TADA2A: variants seen among roughly 807,000 people sequenced by gnomAD.
The protein encoded by TADA2A is transcriptional adapter 2-alpha.
Under a neutral mutation model 67.4 loss-of-function variants are expected in TADA2A, and 38 were observed. The observed-to-expected ratio is 0.56, with a 90% confidence interval of 0.44 to 0.74. The LOEUF is 0.74. Among genes scored for constraint, TADA2A ranks in the 30% least tolerant of loss-of-function variants. The pLI is 0.00. For missense variants in TADA2A, 454 were observed against 547.0 expected, an observed-to-expected ratio of 0.83 and a Z score of 1.70; for synonymous variants, 192 against 181.6, an observed-to-expected ratio of 1.06 and a Z score of -0.46.
intron 2 of TADA2A, among the ~76,000 whole-genome samples, chr17:37,422,494 A>G (rs1254595993): frequency 7.1e-6 from 1 of 140,018 alleles, no homozygotes; most frequent in African/African-American, 2.8e-5. Flanking sequence ...TATTATTATT[A>G]TTATTATTAT....
At chr17:37,472,245 C>T (rs1230095878) in intron 14 of TADA2A, among the ~76,000 whole-genome samples, 2 of 151,584 alleles carry the variant, frequency 1.3e-5, no homozygotes, top group Admixed American at 6.6e-5. Flanking sequence ...TTTGTACTTT[C>T]AGTAGAGATG....
chr17:37,462,020 G>A lies in TADA2A; in HGVS notation c.669-58G>A, dbSNP rs1227572007. On this transcript the variant is annotated intron_variant, in intron 9 of 15. Transcript: ENST00000615182. The stretch of plus-strand genomic sequence containing the variant: ...GTCTGATGATAGCTATATGTGTAAA[G>A]CATTAGTAAATGTGAAAATAATTCT... 2.3e-6 allele frequency: 3 copies of A among 1,295,542 alleles called. No individual in the cohort carries two copies. In the African/African-American group the frequency reaches 4.4e-5, roughly 19 times the overall value. 80.3% of individuals were successfully genotyped at this position (1,295,542 alleles called of 1,614,324 possible).
chr17:37,427,764 G>T (rs989522576), intron 4 of TADA2A, among the ~76,000 whole-genome samples: 1 of 152,146 alleles, frequency 6.6e-6, no homozygotes, highest in Non-Finnish European at 1.5e-5. Context: ...CAGATCACTT[G>T]AGGTCAGGAG....
At chr17:37,442,198 CTTT>C (rs760306260) in intron 6 of TADA2A, among the ~76,000 whole-genome samples, 3 of 75,408 alleles carry the variant, frequency 4.0e-5, no homozygotes, top group Non-Finnish European at 5.5e-5. Context: ...TTTTTCCCGT[CTTT>C]TTTTTTTTTT....
chr17:37,412,315 A>G (rs2051903744), intron 2 of TADA2A, among the ~76,000 whole-genome samples: 1 of 152,074 alleles, frequency 6.6e-6, no homozygotes, highest in Non-Finnish European at 1.5e-5. Flanking sequence ...TTCTGTTTAG[A>G]CCAATAACAT....
intron 2 of TADA2A, among the ~76,000 whole-genome samples, chr17:37,415,896 TCTATATTCCCACAGC>T (rs1383859380): frequency 4.8e-5 from 7 of 145,296 alleles, no homozygotes; most frequent in Non-Finnish European, 1.1e-4. Flanking sequence ...AAAAAAAGTG[TCTATATTCCCACAGC>T]CTGACTAATT....
At chr17:37,437,038 G>T (rs1331855054) in intron 4 of TADA2A, among the ~76,000 whole-genome samples, 1 of 151,698 alleles carries the variant, frequency 6.6e-6, no homozygotes, top group Non-Finnish European at 1.5e-5. Context: ...TCATCATTCG[G>T]CTGTAAACTA....
At chr17:37,437,238 C>T (rs1281611787) in intron 4 of TADA2A, among the ~76,000 whole-genome samples, 1 of 150,636 alleles carries the variant, frequency 6.6e-6, no homozygotes, top group Non-Finnish European at 1.5e-5. Context: ...ACTACAGGCG[C>T]TCACCACCAG....
chr17:37,423,915 GA>G (rs1392220703), intron 3 of TADA2A, among the ~76,000 whole-genome samples: 1 of 151,526 alleles, frequency 6.6e-6, no homozygotes, highest in Non-Finnish European at 1.5e-5. Flanking sequence ...ATGCCCAGCT[GA>G]TTTTTGTATT....
intron 12 of TADA2A, among the ~76,000 whole-genome samples, chr17:37,469,108 T>A (rs2053730070): frequency 6.6e-6 from 1 of 151,306 alleles, no homozygotes; most frequent in Non-Finnish European, 1.5e-5. Flanking sequence ...GGTTTATCCA[T>A]GTTGGTCAGG....
At chr17:37,468,565 C>A (rs1047732149) in intron 12 of TADA2A, among the ~76,000 whole-genome samples, 1 of 150,400 alleles carries the variant, frequency 6.6e-6, no homozygotes, top group Admixed American at 6.7e-5. Flanking sequence ...CTGACTCTTG[C>A]TATGTTGCCC....
In TADA2A at chr17:37,428,999, T is replaced by C. The variant is rs556169857; in HGVS notation, c.192+1990T>C. On this transcript the variant is annotated intron_variant, in intron 4 of 15. Coordinates refer to ENST00000615182, the MANE Select transcript of TADA2A (RefSeq NM_001166105.3). ...AGGCAGAGCTTGTATTGAGCCAAGATTGTGCCACTGCACTCCAGCCTGGGC... is the reference window on the plus strand; with the variant it reads ...AGGCAGAGCTTGTATTGAGCCAAGACTGTGCCACTGCACTCCAGCCTGGGC... Among the ~76,000 whole-genome samples the C allele has an allele frequency of 1.1e-3, 171 of 150,750 alleles. 1 individual carries two copies. The highest frequency in any genetic ancestry group is 4.8e-3 in the Admixed American group (72 of 15,138).
chr17:37,458,239 C>T (rs2053448729), intron 8 of TADA2A, among the ~76,000 whole-genome samples: 1 of 152,192 alleles, frequency 6.6e-6, no homozygotes, highest in South Asian at 2.1e-4. Context: ...CATTCATGTC[C>T]TGGCAAAGGA....
At chr17:37,426,665 G>GAAA in intron 3 of TADA2A, 17 of 121,518 alleles carry the variant, frequency 1.4e-4, no homozygotes, top group South Asian at 4.6e-4. Flanking sequence ...CTCCGTCTCA[G>GAAA]AAAAAAAAAA....
At chr17:37,408,191 A>G (rs190633989) in intron 1 of TADA2A, among the ~76,000 whole-genome samples, 1 of 150,930 alleles carries the variant, frequency 6.6e-6, no homozygotes, top group Non-Finnish European at 1.5e-5. Context: ...CCGGCCTCCT[A>G]CTGTGCTTTT....
intron 2 of TADA2A, among the ~76,000 whole-genome samples, chr17:37,419,908 G>A (rs762689439): frequency 6.9e-6 from 1 of 145,922 alleles, no homozygotes; most frequent in Non-Finnish European, 1.5e-5. Context: ...CCAGCTACTC[G>A]GGAGGCTGAG....
intron 10 of TADA2A, among the ~76,000 whole-genome samples, chr17:37,463,730 C>T (rs1029151512): frequency 4.0e-5 from 6 of 151,616 alleles, no homozygotes; most frequent in South Asian, 2.1e-4. Flanking sequence ...CTGCAGTCTC[C>T]GCCTCCCAGG....
intron 2 of TADA2A, among the ~76,000 whole-genome samples, chr17:37,415,899 A>C (rs544317184): frequency 8.7e-5 from 13 of 148,574 alleles, no homozygotes; most frequent in Non-Finnish European, 1.5e-4. Context: ...AAAAGTGTCT[A>C]TATTCCCACA....
At chr17:37,441,102 A>C (rs2039684341) in intron 6 of TADA2A, among the ~76,000 whole-genome samples, 1 of 152,038 alleles carries the variant, frequency 6.6e-6, no homozygotes, top group South Asian at 2.1e-4. Flanking sequence ...CTCTTAAAAA[A>C]AAAAAAAAAA....
Sources: allele counts gnomAD v4.1 joint callset (sites outside exome capture counted in the v4.1 genomes callset), GRCh38; gene constraint gnomAD v4.1.1; transcripts MANE v1.5; gene names NCBI Gene and HGNC (gene_info 2026-07-23, HGNC 2026-07-21).